Variants in KIF20B observed in about 807,000 individuals in gnomAD.
The protein encoded by KIF20B is kinesin-like protein KIF20B.
Under a neutral mutation model 232.5 loss-of-function variants are expected in KIF20B, and 188 were observed. The ratio of observed to expected loss-of-function variants is 0.81; its 90% confidence interval spans 0.72 to 0.91. The LOEUF (loss-of-function observed/expected upper bound fraction) is 0.91, where lower values mean the gene tolerates loss of function less well. Ranked by LOEUF, KIF20B falls within the 40% of genes least tolerant of loss-of-function variation. The pLI, the probability that KIF20B is intolerant of heterozygous loss-of-function variation, is 0.00. For synonymous variants in KIF20B, 712 were observed against 683.0 expected (o/e 1.04, Z -0.66); for missense variants, 2,154 against 2,055.9 (o/e 1.05, Z -0.92).
intron 18 of KIF20B, among the ~76,000 whole-genome samples, chr10:89,731,691 A>G (rs954821571): frequency 1.3e-5 from 2 of 152,098 alleles, no homozygotes; most frequent in Non-Finnish European, 2.9e-5. Context: ...GATCATTCTG[A>G]TAGGTACCAA....
intron 27 of KIF20B, among the ~76,000 whole-genome samples, chr10:89,760,303 C>A (rs1270595537): frequency 6.6e-6 from 1 of 152,082 alleles, no homozygotes; most frequent in Non-Finnish European, 1.5e-5. Flanking sequence ...TCAAATTTCT[C>A]CTTAGATCAG....
intron 19 of KIF20B, 61 bp downstream of exon 19, chr10:89,733,117 G>C: frequency 6.4e-7 from 1 of 1,563,784 alleles, no homozygotes. Flanking sequence ...CCAGTAAATA[G>C]AACAAGGCAA....
chr10:89,751,486 C>T lies in KIF20B; in HGVS notation c.4222+15C>T. On this transcript the variant is annotated intron_variant, in intron 24 of 32. Transcript: ENST00000371728. Reference sequence around the variant, plus strand: ...GCTGGCCACAGGTAAAACAAGATTGCTTACATTTCTCTAAATATACTTTTT... The same window carrying T: ...GCTGGCCACAGGTAAAACAAGATTGTTTACATTTCTCTAAATATACTTTTT... 6.3e-7 allele frequency: 1 copy of T among 1,588,808 alleles called. No individual in the cohort carries two copies. The highest frequency in any genetic ancestry group is 8.5e-7 in the Non-Finnish European group (1 of 1,171,736).
chr10:89,759,167 A>C lies in KIF20B; in HGVS notation c.4680+285A>C, dbSNP rs528953909. Among the ~76,000 whole-genome samples, 154 of 152,210 alleles carry C rather than the reference A, an allele frequency of 1.0e-3. 1 individual carries two copies. Among genetic ancestry groups the C allele is most frequent in the African/African-American group, 3.7e-3 (153 of 41,568 alleles). ...CTTTGGTAGAGTAATTAGAAAATCA[A>C]CAATTTATGGTTTAGTCCCCAGTCT... On this transcript the variant is annotated intron_variant, in intron 27 of 32. Transcript: ENST00000371728.
chr10:89,744,054 A>G (rs1589871399), intron 22 of KIF20B, 127 bp downstream of exon 22: 2 of 728,008 alleles, frequency 2.7e-6, no homozygotes, highest in South Asian at 2.4e-5. Flanking sequence ...GAAATAAATT[A>G]TTTAAAATTA....
chr10:89,714,107 CTT>C, intron 7 of KIF20B, 24 bp downstream of exon 7: 1 of 1,313,116 alleles, frequency 7.6e-7, no homozygotes, highest in Middle Eastern at 1.9e-4. Flanking sequence ...GCTCACTTAT[CTT>C]TGATGTATCG....
In KIF20B at chr10:89,774,624, C is replaced by G. The variant is rs1426159452; in HGVS notation, c.*576C>G. 6.6e-6 allele frequency: 1 copy of G among 151,870 alleles called. No individual in the cohort carries two copies. Among genetic ancestry groups the G allele is most frequent in the African/African-American group, 2.4e-5 (1 of 41,354 alleles). The allele number at this position is 151,870 out of a possible 1,614,324, so 9.4% of individuals were successfully genotyped here. On this transcript the variant is annotated 3_prime_UTR_variant, in exon 33 of 33. Transcript: ENST00000371728. ...TGACACAGGCATGCAATGTGAAATA[C>G]GTGTATCATGGAGAATGAGGTATCC...
chr10:89,769,936 C>A (rs969471683), intron 31 of KIF20B, among the ~76,000 whole-genome samples: 2 of 151,926 alleles, frequency 1.3e-5, no homozygotes, highest in African/African-American at 4.8e-5. Flanking sequence ...TAAATTGAAT[C>A]AAATATGTTG....
chr10:89,752,713 T>C lies in KIF20B; in HGVS notation c.4347+22T>C, dbSNP rs756288889. 9 of 1,487,682 alleles carry C rather than the reference T, an allele frequency of 6.0e-6. No individual in the cohort carries two copies. In the Admixed American group the frequency reaches 1.4e-4, roughly 23 times the overall value. 92.2% of individuals were successfully genotyped at this position (1,487,682 alleles called of 1,614,324 possible). A position where few individuals can be genotyped will look rare whatever the true frequency, so the allele number is the denominator to read the frequency against. ...ACAGGTATGACTTTATGTATGTTTTTATGTATGAATGTATCTGTCTTCATT... is the reference window on the plus strand; with the variant it reads ...ACAGGTATGACTTTATGTATGTTTTCATGTATGAATGTATCTGTCTTCATT... On this transcript the variant is annotated intron_variant, in intron 25 of 32. Coordinates refer to ENST00000371728, the MANE Select transcript of KIF20B (RefSeq NM_001284259.2).
chr10:89,732,114 C>T (rs1053418387), intron 18 of KIF20B, among the ~76,000 whole-genome samples: 1 of 147,920 alleles, frequency 6.8e-6, no homozygotes, highest in South Asian at 2.2e-4. Flanking sequence ...CCCCCCCTCT[C>T]TCAGCTCCCC....
At chr10:89,757,040 G>GTGTGTATATATATATATA (rs1301847520) in intron 26 of KIF20B, among the ~76,000 whole-genome samples, 38 of 110,738 alleles carry the variant, frequency 3.4e-4, no homozygotes, top group African/African-American at 5.7e-4. Flanking sequence ...GTGTGTGTGT[G>GTGTGTATATATATATATA]TATATATATA....
At chr10:89,763,667 T>G (rs983869504) in intron 29 of KIF20B, among the ~76,000 whole-genome samples, 2 of 152,080 alleles carry the variant, frequency 1.3e-5, no homozygotes, top group African/African-American at 4.8e-5. Context: ...GTTTCTTGAT[T>G]GAAGGGTTGC....
chr10:89,750,506 A>T lies in KIF20B; in HGVS notation c.4097-840A>T, dbSNP rs192102430. Among the ~76,000 whole-genome samples the T allele has an allele frequency of 4.2e-3, 637 of 152,214 alleles. 4 individuals are homozygous for T. The highest frequency in any genetic ancestry group is 0.014 in the African/African-American group (582 of 41,564). On this transcript the variant is annotated intron_variant, in intron 23 of 32. Transcript: ENST00000371728. ...TTTGTTTTACCTTTGTTTTATGTGCACTTTGAGGGAGCCATCTTTGGGTAT... is the reference window on the plus strand; with the variant it reads ...TTTGTTTTACCTTTGTTTTATGTGCTCTTTGAGGGAGCCATCTTTGGGTAT...
In KIF20B at chr10:89,737,392, A is replaced by C; in HGVS notation, c.2551A>C (p.Ile851Leu). The C allele has an allele frequency of 6.4e-7, 1 of 1,568,190 alleles. No homozygotes were observed. The highest frequency in any genetic ancestry group is 8.6e-7 in the Non-Finnish European group (1 of 1,164,846). ...QDEPPAKKGS[I>L]HVSSAITEDQ... ...CAATTTTCTTATTTTTAAAGGGTCT[A>C]TCCATGTTAGTTCAGCTATCACTGA... is the stretch of plus-strand genomic sequence containing the variant. The change falls in exon 20 of 33, where the codon ATC (isoleucine) becomes CTC (leucine). Residue 851 changes from isoleucine (I) to leucine (L), a missense_variant. By Grantham distance (5) the Ile-to-Leu change is conservative (BLOSUM62 2). Coordinates refer to ENST00000371728, the MANE Select transcript of KIF20B (RefSeq NM_001284259.2).
rs1330544142 is a variant in KIF20B, at chr10:89,752,570, TGGAAAAATGGAA to T, written c.4236_4247del (p.Trp1412_Lys1415del). On this transcript the variant is annotated inframe_deletion, in exon 25 of 33. Coordinates refer to ENST00000371728, the MANE Select transcript of KIF20B (RefSeq NM_001284259.2). Reference sequence around the variant, plus strand: ...TAATTTTATGTCTTCAAATCAGAATTGGAAAAATGGAAGGAAAAATGCAATGATTTGGAAACC... The same window carrying T: ...TAATTTTATGTCTTCAAATCAGAATTGGAAAAATGCAATGATTTGGAAACC... 3 of 1,595,056 alleles carry T rather than the reference TGGAAAAATGGAA, an allele frequency of 1.9e-6. No individual in the cohort carries two copies. The highest frequency in any genetic ancestry group is 2.6e-6 in the Non-Finnish European group (3 of 1,171,270).
intron 16 of KIF20B, among the ~76,000 whole-genome samples, chr10:89,727,594 A>G (rs1486245418): frequency 6.6e-6 from 1 of 152,204 alleles, no homozygotes; most frequent in Admixed American, 6.5e-5. Flanking sequence ...CTCTGATGCT[A>G]TGCCAGTTCT....
intron 6 of KIF20B, among the ~76,000 whole-genome samples, chr10:89,712,256 C>CT (rs1216985720): frequency 6.6e-6 from 1 of 151,036 alleles, no homozygotes; most frequent in Non-Finnish European, 1.5e-5. Context: ...TTTTTTCTTC[C>CT]TTTTTTTAGT....
chr10:89,757,040 G>GTATGTATATATATATATATATATATATA (rs1554852904), intron 26 of KIF20B, among the ~76,000 whole-genome samples: 2 of 110,748 alleles, frequency 1.8e-5, no homozygotes, highest in Non-Finnish European at 1.8e-5. Context: ...GTGTGTGTGT[G>GTATGTATATATATATATATATATATATA]TATATATATA....
At chr10:89,753,346 G>C (rs1377070240) in intron 25 of KIF20B, among the ~76,000 whole-genome samples, 1 of 152,040 alleles carries the variant, frequency 6.6e-6, no homozygotes, top group Non-Finnish European at 1.5e-5. Context: ...TTCTGGCTGT[G>C]TATTAAACAT....
Sources: gnomAD v4.1 joint callset for allele counts (sites outside exome capture counted in the v4.1 genomes callset) on GRCh38, gnomAD v4.1.1 for gene constraint, MANE v1.5 for transcripts, NCBI Gene and HGNC (gene_info 2026-07-23, HGNC 2026-07-21) for gene names.